The following MYO18A variants were observed in gnomAD, a reference collection of about 807,000 sequenced individuals.
MYO18A encodes the protein myosin XVIIIA, also known as unconventional myosin-XVIIIa.
A neutral mutation model predicts 235.8 loss-of-function variants in MYO18A; 78 were observed. The observed-to-expected ratio is 0.33, with a 90% confidence interval of 0.28 to 0.40. The LOEUF (loss-of-function observed/expected upper bound fraction) is 0.40, where lower values mean the gene tolerates loss of function less well. MYO18A is among the 10% of genes least tolerant of loss of function. MYO18A has a pLI of 1.00. For missense variants in MYO18A, 2,215 were observed against 2,699.3 expected (o/e 0.82, Z 3.98); for synonymous variants, 977 against 1,077.8 (o/e 0.91, Z 1.83).
chr17:29,171,301 G>A (rs2068397800), intron 1 of MYO18A, among the ~76,000 whole-genome samples: 9 of 152,138 alleles, frequency 5.9e-5, no homozygotes, highest in South Asian at 2.1e-4. Context: ...GCCGGGCGTG[G>A]CAGCACACAC....
At chr17:29,141,418 C>G (rs868032754) in intron 2 of MYO18A, among the ~76,000 whole-genome samples, 6 of 136,880 alleles carry the variant, frequency 4.4e-5, no homozygotes, top group Middle Eastern at 7.2e-3. Context: ...ACAGTCATTG[C>G]CTCCCTCTTC....
intron 1 of MYO18A, among the ~76,000 whole-genome samples, chr17:29,177,148 G>A (rs2068552601): frequency 6.6e-6 from 1 of 152,150 alleles, no homozygotes; most frequent in Non-Finnish European, 1.5e-5. Context: ...CTCAGATTTG[G>A]CCCTCAGCCT....
rs1310499939 is a variant in MYO18A, at chr17:29,180,247, C to A, written c.-82+66G>T. ...CGCCCGCCCTCCCTCCCGGCCGGAG[C>A]CCGCCCCGCCGCCCCACCAAGCCGG... On this transcript the variant is annotated intron_variant, in intron 1 of 41. Coordinates refer to ENST00000527372, the MANE Select transcript of MYO18A (RefSeq NM_078471.4). The surrounding 1 kb of genome is among the most constrained non-coding windows in gnomAD (Gnocchi z 6.1). 7.2e-6 allele frequency: 1 copy of A among 138,242 alleles called. No individual in the cohort carries two copies. The highest frequency in any genetic ancestry group is 1.6e-5 in the Non-Finnish European group (1 of 63,060). The allele number at this position is 138,242 out of a possible 1,614,324, so 8.6% of individuals were successfully genotyped here.
At chr17:29,119,211 T>A in intron 8 of MYO18A, 124 bp downstream of exon 8, 1 of 677,486 alleles carries the variant, frequency 1.5e-6, no homozygotes, top group Non-Finnish European at 2.6e-6. Context: ...ATAGCAGACA[T>A]GCACTGACCA....
rs2066874750 is a variant in MYO18A at position 29,109,477 on chromosome 17, A to G, written c.3331+381T>C. Among the ~76,000 whole-genome samples the G allele has an allele frequency of 6.6e-6, 1 of 152,176 alleles. No individual in the cohort carries two copies. Reference sequence around the variant, plus strand: ...TTTAAGTACTTCAGAAAGATTTAGCACCTCATTTCTCACTGGGCAGATGGC... The same window carrying G: ...TTTAAGTACTTCAGAAAGATTTAGCGCCTCATTTCTCACTGGGCAGATGGC... On this transcript the variant is annotated intron_variant, in intron 19 of 41. Coordinates refer to ENST00000527372, the MANE Select transcript of MYO18A (RefSeq NM_078471.4). This position sits in a 1 kb window ranked among gnomAD's most constrained non-coding sequence, Gnocchi z 4.1.
At chr17:29,129,962 C>A (rs891762330) in intron 2 of MYO18A, among the ~76,000 whole-genome samples, 2 of 152,204 alleles carry the variant, frequency 1.3e-5, no homozygotes, top group African/African-American at 4.8e-5. Flanking sequence ...CTCCTCCCCT[C>A]CCTCTTCTGG....
chr17:29,098,332 G>C, intron 24 of MYO18A, 24 bp downstream of exon 24: 1 of 1,613,282 alleles, frequency 6.2e-7, no homozygotes, highest in Non-Finnish European at 8.5e-7. Context: ...ATGCCCAGTC[G>C]GTGTGGTGCC....
intron 19 of MYO18A, 120 bp from the exon 20 acceptor site, chr17:29,107,309 G>T: frequency 2.2e-6 from 2 of 913,954 alleles, no homozygotes; most frequent in Non-Finnish European, 3.5e-6. Flanking sequence ...TGCAGGGGGT[G>T]GGGAGCCTGT....
chr17:29,131,350 C>T (rs1283529187), intron 2 of MYO18A: 44 of 978,386 alleles, frequency 4.5e-5, no homozygotes, highest in Middle Eastern at 5.2e-4. Context: ...CACACACACA[C>T]GCATGCCTCG....
Position 29,094,765 on chromosome 17 carries a change from T to C in MYO18A, c.4595A>G (p.Lys1532Arg), listed in dbSNP as rs200020998. ...GACCTTGGCCAGAGAAGCCTCATCC[T>C]TGGACTCTTGGGAAGAAATGTCCTG... is the stretch of plus-strand genomic sequence containing the variant. ...ELQDISSQES[K>R]DEASLAKVKK... The change falls in exon 30 of 42, where the codon AAG becomes AGG. Residue 1532 changes from lysine to arginine, a missense_variant. By Grantham distance (26) the Lys-to-Arg change is conservative. Coordinates refer to ENST00000527372, the MANE Select transcript of MYO18A (RefSeq NM_078471.4). 132 of 1,613,972 alleles carry C rather than the reference T, an allele frequency of 8.2e-5. No individual in the cohort carries two copies. Among genetic ancestry groups the C allele is most frequent in the Non-Finnish European group, 1.1e-4 (130 of 1,179,920 alleles).
chr17:29,120,929 A>C lies in MYO18A; in HGVS notation c.1585+69T>G. ...CAGGGAGAAAAAGAGCTGGCACTTA[A>C]GAGGGTGCTCTCTCCTCACTCCCCT... On this transcript the variant is annotated intron_variant, in intron 6 of 41. Transcript: ENST00000527372. The surrounding 1 kb of genome is among the most constrained non-coding windows in gnomAD (Gnocchi z 4.2). 2 of 1,565,362 alleles carry C rather than the reference A, an allele frequency of 1.3e-6. No homozygotes were observed.
chr17:29,102,525 A>C (rs1277593772), intron 21 of MYO18A, among the ~76,000 whole-genome samples: 1 of 152,242 alleles, frequency 6.6e-6, no homozygotes, highest in Non-Finnish European at 1.5e-5. Flanking sequence ...CAAAGCAGTG[A>C]CACAAACCAG....
In MYO18A at chr17:29,106,774, C is replaced by T. The variant is rs780398795; in HGVS notation, c.3441+306G>A. Among the ~76,000 whole-genome samples, 48 of 152,210 alleles carry T rather than the reference C, an allele frequency of 3.2e-4. No individual in the cohort carries two copies. The highest frequency in any genetic ancestry group is 3.2e-3 in the Middle Eastern group (1 of 316). ...CCTGACATGGGGGCCCAGGTGCCAT[C>T]GGTGGGGCTCCCAAAGCACTAATAA... On this transcript the variant is annotated intron_variant, in intron 20 of 41. Coordinates refer to ENST00000527372, the MANE Select transcript of MYO18A (RefSeq NM_078471.4). The surrounding 1 kb of genome is among the most constrained non-coding windows in gnomAD (Gnocchi z 4.6).
chr17:29,089,704 C>T (rs1043832729), intron 37 of MYO18A, among the ~76,000 whole-genome samples: 3 of 152,152 alleles, frequency 2.0e-5, no homozygotes, highest in South Asian at 2.1e-4. Context: ...AATATGAAGA[C>T]GAAGAGCTAA....
rs570074643 is a variant in MYO18A at position 29,115,974 on chromosome 17, C to A, written c.2051-134G>T. 2.6e-5 allele frequency: 25 copies of A among 950,264 alleles called. No homozygotes were observed. The South Asian group carries it at 4.0e-4, about 15-fold the overall frequency. The allele number at this position is 950,264 out of a possible 1,614,324, so 58.9% of individuals were successfully genotyped here. ...CTGATGACACCCGATGGGCTTCAGG[C>A]AGAACAGGGGCAGCCAGCAGTGGCC... On this transcript the variant is annotated intron_variant, in intron 11 of 41. Transcript: ENST00000527372.
chr17:29,093,142 T>A lies in MYO18A; in HGVS notation c.4927-141A>T. ...GAGCCAGGGTCATGCCAACCAGCGA[T>A]AAAGGGCTGGGTGTGCCAATGTATG... On this transcript the variant is annotated intron_variant, in intron 32 of 41. Coordinates refer to ENST00000527372, the MANE Select transcript of MYO18A (RefSeq NM_078471.4). 3 of 1,276,952 alleles carry A rather than the reference T, an allele frequency of 2.3e-6. No homozygotes were observed. The South Asian group carries it at 4.3e-5, about 18-fold the overall frequency. The allele number at this position is 1,276,952 out of a possible 1,614,324, so 79.1% of individuals were successfully genotyped here. A position where few individuals can be genotyped will look rare whatever the true frequency, so the allele number is the denominator to read the frequency against.
At chr17:29,082,494 G>T in intron 40 of MYO18A, 56 bp from the exon 41 acceptor site, 1 of 1,575,404 alleles carries the variant, frequency 6.3e-7, no homozygotes, top group Non-Finnish European at 8.6e-7. Context: ...CTGCCCACGA[G>T]GGGAGCAGAT....
intron 40 of MYO18A, 96 bp from the exon 41 acceptor site, chr17:29,082,534 G>A: frequency 1.5e-6 from 2 of 1,329,124 alleles, no homozygotes; most frequent in Non-Finnish European, 2.1e-6. Flanking sequence ...TGGGCAGGGG[G>A]GATGTGGGCA....
At chr17:29,130,517 CACACACACACAA>C (rs1270905044) in intron 2 of MYO18A, among the ~76,000 whole-genome samples, 2 of 126,576 alleles carry the variant, frequency 1.6e-5, no homozygotes, top group African/African-American at 6.0e-5. Context: ...CACACACACA[CACACACACACAA>C]CCCTTTCAAA....
Sources: gnomAD v4.1 joint callset for allele counts (sites outside exome capture counted in the v4.1 genomes callset) on GRCh38, gnomAD v4.1.1 for gene constraint, Gnocchi (gnomAD v3.1) non-coding constraint, MANE v1.5 for transcripts, NCBI Gene and HGNC (gene_info 2026-07-23, HGNC 2026-07-21) for gene names.